NCBP1: variants seen among roughly 807,000 people sequenced by gnomAD.
NCBP1 encodes the protein nuclear cap-binding protein subunit 1.
In NCBP1, 16 loss-of-function variants were observed where a neutral mutation model predicts 111.7. The observed-to-expected ratio is 0.14, with a 90% CI of 0.10 to 0.22. The LOEUF (loss-of-function observed/expected upper bound fraction) is 0.22, where lower values mean the gene tolerates loss of function less well. NCBP1 is among the 10% of genes least tolerant of loss of function. The probability of loss-of-function intolerance (pLI) is 1.00; values close to 1 mark genes in which losing one functional copy is unlikely to be tolerated. For missense variants in NCBP1, 607 were observed against 957.5 expected (o/e 0.63, Z 4.83); for synonymous variants, 304 against 314.3 (o/e 0.97, Z 0.35).
At chr9:97,639,291 C>A (rs73498323) in intron 1 of NCBP1, among the ~76,000 whole-genome samples, 14,281 of 152,078 alleles carry the variant, frequency 0.094, 2,303 homozygotes, top group African/African-American at 0.33. Context: ...TATAATACCC[C>A]CCCTCAGATC....
Position 97,640,849 on chromosome 9 carries a change from T to A in NCBP1, c.90T>A (p.His30Gln). Residue 30 changes from histidine to glutamine, a missense_variant, in exon 2 of 23, where the codon CAT becomes CAA. Around this residue, in one of 9 missense-constraint regions of NCBP1, gnomAD observed 185 missense variants for 272.0 expected, o/e 0.68. Transcript: ENST00000375147. ...CTGATGCAAATGAAACTGAAGATCA[T>A]TTGGAATCTTTAATATGTAAAGTAG... Reference protein sequence around the residue: ...KTSDANETEDHLESLICKVGE... With the variant: ...KTSDANETEDQLESLICKVGE... 1 of 1,609,710 alleles carries A rather than the reference T, an allele frequency of 6.2e-7. No individual in the cohort carries two copies. The highest frequency in any genetic ancestry group is 8.5e-7 in the Non-Finnish European group (1 of 1,177,792).
At chr9:97,650,104 T>G (rs1321481288) in intron 8 of NCBP1, among the ~76,000 whole-genome samples, 1 of 152,194 alleles carries the variant, frequency 6.6e-6, no homozygotes, top group Non-Finnish European at 1.5e-5. Flanking sequence ...ATTTTTCAAT[T>G]CATGCATGAC....
chr9:97,641,517 T>C (rs1318740013), intron 2 of NCBP1, 45 bp from the exon 3 acceptor site: 2 of 1,377,484 alleles, frequency 1.5e-6, no homozygotes, highest in African/African-American at 1.5e-5. Context: ...AATAAATTTA[T>C]GTTGCTGAGT....
chr9:97,669,262 G>A (rs1828104625), intron 21 of NCBP1, among the ~76,000 whole-genome samples: 1 of 151,584 alleles, frequency 6.6e-6, no homozygotes, highest in Non-Finnish European at 1.5e-5. Flanking sequence ...ATTCCTCATT[G>A]CTGATCATTT....
chr9:97,640,484 C>T (rs1326679662), intron 1 of NCBP1, among the ~76,000 whole-genome samples: 1 of 152,104 alleles, frequency 6.6e-6, no homozygotes, highest in East Asian at 1.9e-4. Flanking sequence ...TAGTGTTTAA[C>T]ATGTTGTTGG....
At position 97,661,012 on chromosome 9, in the gene NCBP1, A is replaced by T; in HGVS notation, c.1544A>T (p.Asp515Val). Residue 515 changes from aspartate (D) to valine (V), a missense_variant, in exon 16 of 23, where the codon GAT becomes GTT. Around this residue, in one of 9 missense-constraint regions of NCBP1, gnomAD observed 282 missense variants for 376.5 expected, o/e 0.75. Coordinates refer to ENST00000375147, the MANE Select transcript of NCBP1 (RefSeq NM_002486.5). ...GCCTTTAAAAGTAAGGCAACCAATG[A>T]TGAAATCTTCAGCATTCTGAAAGAT... Reference protein sequence around the residue: ...AVAFKSKATNDEIFSILKDVP... With the variant: ...AVAFKSKATNVEIFSILKDVP... The T allele has an allele frequency of 6.2e-7, 1 of 1,612,938 alleles. No homozygotes were observed. The highest frequency in any genetic ancestry group is 8.5e-7 in the Non-Finnish European group (1 of 1,179,712).
At position 97,672,365 on chromosome 9, in the gene NCBP1, A is replaced by G. The variant is rs1389019646; in HGVS notation, c.*1166A>G. The G allele has an allele frequency of 6.6e-6, 1 of 152,178 alleles. No individual in the cohort carries two copies. Among genetic ancestry groups the G allele is most frequent in the African/African-American group, 2.4e-5 (1 of 41,448 alleles). 9.4% of individuals were successfully genotyped at this position (152,178 alleles called of 1,614,324 possible). A position where few individuals can be genotyped will look rare whatever the true frequency, so the allele number is the denominator to read the frequency against. ...CATTAAGCGTTTTGCATATTTTGAT[A>G]TATTTTTGCTTTGGTTTACCATACA... is the stretch of plus-strand genomic sequence containing the variant. On this transcript the variant is annotated 3_prime_UTR_variant, in exon 23 of 23. Transcript: ENST00000375147.
At chr9:97,656,183 CA>C (rs1211441179) in intron 14 of NCBP1, 98 bp downstream of exon 14, 2 of 994,320 alleles carry the variant, frequency 2.0e-6, no homozygotes, top group Non-Finnish European at 3.0e-6. Flanking sequence ...ATTCAAAATC[CA>C]CTTACTCATC....
chr9:97,644,095 T>C (rs1244422265), intron 4 of NCBP1, among the ~76,000 whole-genome samples: 1 of 152,228 alleles, frequency 6.6e-6, no homozygotes, highest in Non-Finnish European at 1.5e-5. Context: ...AAATTAAACC[T>C]TACTAATAAT....
chr9:97,649,100 G>A (rs1827429113), intron 8 of NCBP1, among the ~76,000 whole-genome samples: 1 of 152,194 alleles, frequency 6.6e-6, no homozygotes, highest in African/African-American at 2.4e-5. Flanking sequence ...TATTCATATT[G>A]TATGATTATT....
intron 10 of NCBP1, among the ~76,000 whole-genome samples, chr9:97,651,662 C>T (rs1827501249): frequency 6.6e-6 from 1 of 152,070 alleles, no homozygotes; most frequent in African/African-American, 2.4e-5. Flanking sequence ...ATGTAAGTTA[C>T]CTCTAGCTCT....
chr9:97,664,215 T>TCC lies in NCBP1; in HGVS notation c.1798-124_1798-123dup. ...CTAATGGTCAGATTGATCAATCAAT[T>TCC]CCATAGCCACCAAAACTAAATTTTA... On this transcript the variant is annotated intron_variant, in intron 18 of 22. Transcript: ENST00000375147. 14 of 554,772 alleles carry TCC rather than the reference T, an allele frequency of 2.5e-5. No individual in the cohort carries two copies. In the South Asian group the frequency reaches 3.1e-4, roughly 12 times the overall value. The allele number at this position is 554,772 out of a possible 1,614,324, so 34.4% of individuals were successfully genotyped here. A position where few individuals can be genotyped will look rare whatever the true frequency, so the allele number is the denominator to read the frequency against.
intron 19 of NCBP1, 72 bp from the exon 20 acceptor site, chr9:97,666,691 C>G: frequency 9.7e-7 from 1 of 1,027,886 alleles, no homozygotes; most frequent in East Asian, 2.6e-5. Flanking sequence ...AATGAAATTA[C>G]AAAAGTTGAA....
At chr9:97,654,095 C>T (rs561359680) in intron 11 of NCBP1, among the ~76,000 whole-genome samples, 187 bp downstream of exon 11, 22 of 152,160 alleles carry the variant, frequency 1.4e-4, no homozygotes, top group African/African-American at 4.3e-4. Flanking sequence ...TATGTAGATA[C>T]ATCCTTCACT....
chr9:97,647,593 C>T (rs1588001196), intron 7 of NCBP1, 32 bp downstream of exon 7: 1 of 1,527,380 alleles, frequency 6.5e-7, no homozygotes, highest in Non-Finnish European at 9.1e-7. Context: ...GTGATACAAA[C>T]ACAGTCAGCT....
Position 97,662,957 on chromosome 9 carries a change from T to A in NCBP1, c.1707T>A (p.Phe569Leu), listed in dbSNP as rs745960045. 1 of 1,608,378 alleles carries A rather than the reference T, an allele frequency of 6.2e-7. No homozygotes were observed. The highest frequency in any genetic ancestry group is 2.2e-5 in the East Asian group (1 of 44,752). ...TTTTTCCCATCATTATCAAAAGGTT[T>A]CATGAAGTCTTCAAAACCCTAGCTG... ...FSHSFSALAKFHEVFKTLAES... is the reference protein window; with the variant it reads ...FSHSFSALAKLHEVFKTLAES... The change falls in exon 18 of 23, where the codon TTT becomes TTA. Residue 569 changes from phenylalanine to leucine, a missense_variant. Transcript: ENST00000375147.
Position 97,658,694 on chromosome 9 carries a change from G to A in NCBP1, c.1428G>A (p.Leu476=), listed in dbSNP as rs2297155. The part of the protein sequence containing the change: ...LDIVPPTFSA[L]CPANPTCIYK... ...TTGTTCCTCCTACCTTCTCAGCTCTGTGTCCTGCAAACCCAACCTGCATTT... is the reference window on the plus strand; with the variant it reads ...TTGTTCCTCCTACCTTCTCAGCTCTATGTCCTGCAAACCCAACCTGCATTT... Residue 476 remains leucine, a synonymous_variant, in exon 15 of 23, where the codon CTG becomes CTA. Coordinates refer to ENST00000375147, the MANE Select transcript of NCBP1 (RefSeq NM_002486.5). The A allele has an allele frequency of 0.028, 45,630 of 1,613,262 alleles. 6,392 individuals carry two copies. In the African/African-American group the frequency reaches 0.37, roughly 13 times the overall value.
At chr9:97,640,265 T>C (rs1218377423) in intron 1 of NCBP1, among the ~76,000 whole-genome samples, 4 of 152,204 alleles carry the variant, frequency 2.6e-5, no homozygotes, top group African/African-American at 9.6e-5. Flanking sequence ...AGCTTTCCTC[T>C]TTATAGCTGA....
At position 97,653,989 on chromosome 9, in the gene NCBP1, A is replaced by T. The variant is rs1419890195; in HGVS notation, c.1170+81A>T. On this transcript the variant is annotated intron_variant, in intron 11 of 22. Transcript: ENST00000375147. Reference sequence around the variant, plus strand: ...TTAAATATTTCTGCTTGTGGGTTTAAATTTTGTAGGTAAAAAATGTGGCTT... The same window carrying T: ...TTAAATATTTCTGCTTGTGGGTTTATATTTTGTAGGTAAAAAATGTGGCTT... The T allele has an allele frequency of 2.4e-6, 3 of 1,247,316 alleles. No individual in the cohort carries two copies. In the African/African-American group the frequency reaches 4.6e-5, roughly 19 times the overall value. 77.3% of individuals were successfully genotyped at this position (1,247,316 alleles called of 1,614,324 possible).
Sources: allele counts gnomAD v4.1 joint callset (sites outside exome capture counted in the v4.1 genomes callset), GRCh38; gene constraint gnomAD v4.1.1; regional missense constraint gnomAD v4.1.1; transcripts MANE v1.5; gene names NCBI Gene and HGNC (gene_info 2026-07-23, HGNC 2026-07-21).